The following ANK3 variants were observed in gnomAD, a reference collection of about 807,000 sequenced individuals.
ANK3 encodes the protein ankyrin 3.
In ANK3, 57 loss-of-function variants were observed where a neutral mutation model predicts 370.9. The observed-to-expected ratio is 0.15, with a 90% CI of 0.12 to 0.19. The LOEUF (loss-of-function observed/expected upper bound fraction) is 0.19, where lower values mean the gene tolerates loss of function less well. Among genes scored for constraint, ANK3 ranks in the 10% least tolerant of loss-of-function variants. ANK3 has a pLI of 1.00. For missense variants in ANK3, 4,439 were observed against 5,302.1 expected (o/e 0.84, Z 5.06); for synonymous variants, 1,929 against 1,946.3 (o/e 0.99, Z 0.23).
intron 1 of ANK3, among the ~76,000 whole-genome samples, chr10:60,346,311 G>T (rs1276308559): frequency 1.3e-5 from 2 of 148,342 alleles, no homozygotes; most frequent in Admixed American, 6.7e-5. Context: ...TAAAAAAAAA[G>T]AACAAACAAA....
chr10:60,684,066 A>G (rs1185288462), intron 1 of ANK3, among the ~76,000 whole-genome samples: 4 of 152,234 alleles, frequency 2.6e-5, no homozygotes, highest in Non-Finnish European at 5.9e-5. Context: ...AGAATTATAT[A>G]TCAAATGATT....
intron 2 of ANK3, among the ~76,000 whole-genome samples, chr10:60,402,019 G>A (rs760779252): frequency 2.0e-5 from 3 of 152,136 alleles, no homozygotes; most frequent in Non-Finnish European, 2.9e-5. Context: ...GTGACAGTTG[G>A]CAGACAGAAT....
At chr10:60,063,350 G>A in intron 39 of ANK3, 96 bp from the exon 40 acceptor site, 1 of 1,276,816 alleles carries the variant, frequency 7.8e-7, no homozygotes, top group Non-Finnish European at 1.1e-6. Flanking sequence ...CAGCCCTGCT[G>A]ACATTTTAGC....
At chr10:60,427,684 G>C (rs2063919688) in intron 2 of ANK3, among the ~76,000 whole-genome samples, 1 of 152,114 alleles carries the variant, frequency 6.6e-6, no homozygotes, top group Admixed American at 6.6e-5. Context: ...AAAAAAATTA[G>C]AGAAGGGCAT....
chr10:60,319,654 T>G (rs981508845), intron 1 of ANK3, among the ~76,000 whole-genome samples: 2 of 152,228 alleles, frequency 1.3e-5, no homozygotes. Flanking sequence ...ATGTTAGGGA[T>G]TCAAGGAATG....
intron 7 of ANK3, among the ~76,000 whole-genome samples, chr10:60,244,223 G>A (rs764434362): frequency 8.5e-5 from 13 of 152,110 alleles, no homozygotes; most frequent in Non-Finnish European, 1.3e-4. Context: ...TGATAAATGG[G>A]AAACTTTTCA....
At chr10:60,408,323 A>G (rs1483042343) in intron 2 of ANK3, among the ~76,000 whole-genome samples, 1 of 152,062 alleles carries the variant, frequency 6.6e-6, no homozygotes, top group East Asian at 1.9e-4. Context: ...GATCATGGGG[A>G]CAGAGTTCTC....
At chr10:60,402,308 A>G (rs558685446) in intron 2 of ANK3, among the ~76,000 whole-genome samples, 1 of 152,226 alleles carries the variant, frequency 6.6e-6, no homozygotes. Context: ...AAAATGCATA[A>G]GTATTAACGG....
At chr10:60,561,349 T>C (rs1261847917) in intron 2 of ANK3, among the ~76,000 whole-genome samples, 2 of 152,228 alleles carry the variant, frequency 1.3e-5, no homozygotes, top group African/African-American at 2.4e-5. Context: ...ATTTCCGTTT[T>C]ATTGAGTAGA....
At chr10:60,628,459 A>T (rs1457085514) in intron 1 of ANK3, among the ~76,000 whole-genome samples, 1 of 152,144 alleles carries the variant, frequency 6.6e-6, no homozygotes, top group Non-Finnish European at 1.5e-5. Flanking sequence ...TCCAGGAGCA[A>T]TTCATGTGTT....
At chr10:60,400,961 A>T (rs571930194) in intron 2 of ANK3, among the ~76,000 whole-genome samples, 14 of 152,304 alleles carry the variant, frequency 9.2e-5, no homozygotes, top group African/African-American at 3.1e-4. Flanking sequence ...CAACAAAAAA[A>T]TAAAAATAAT....
chr10:60,398,432 T>C (rs1314028443), intron 2 of ANK3, among the ~76,000 whole-genome samples: 1 of 152,154 alleles, frequency 6.6e-6, no homozygotes, highest in East Asian at 1.9e-4. Context: ...TATGTGTACA[T>C]ACATGTATAT....
chr10:60,142,508 T>G (rs1233222392), intron 23 of ANK3, among the ~76,000 whole-genome samples: 3 of 151,984 alleles, frequency 2.0e-5, no homozygotes, highest in Non-Finnish European at 4.4e-5. Context: ...ATAATAAATA[T>G]AAGTTATTTT....
intron 2 of ANK3, among the ~76,000 whole-genome samples, chr10:60,525,077 T>C (rs1165714589): frequency 6.6e-6 from 1 of 152,124 alleles, no homozygotes; most frequent in Non-Finnish European, 1.5e-5. Flanking sequence ...AATTTCTTTG[T>C]AGAAATTCCA....
intron 1 of ANK3, among the ~76,000 whole-genome samples, chr10:60,335,026 T>C (rs990833254): frequency 6.6e-6 from 1 of 152,160 alleles, no homozygotes; most frequent in Non-Finnish European, 1.5e-5. Flanking sequence ...AAGGAGACAC[T>C]TGACACTGGG....
At position 60,205,834 on chromosome 10, in the gene ANK3, T is replaced by C; in HGVS notation, c.1251A>G (p.Glu417=). 2 of 1,614,006 alleles carry C rather than the reference T, an allele frequency of 1.2e-6. No individual in the cohort carries two copies. Among genetic ancestry groups the C allele is most frequent in the Non-Finnish European group, 1.7e-6 (2 of 1,179,896 alleles). ...TGGATGCACCGTGTTTCAGAAGGAG[T>C]TCCATTACTTTAATTCGATTCTTCT... ...ACKKNRIKVM[E]LLLKHGASIQ... is the part of the protein sequence containing the mutation. Residue 417 remains glutamate, a synonymous_variant, in exon 11 of 44, where the codon GAA becomes GAG. Transcript: ENST00000280772.
At chr10:60,552,472 A>G (rs1162929964) in intron 2 of ANK3, among the ~76,000 whole-genome samples, 1 of 152,226 alleles carries the variant, frequency 6.6e-6, no homozygotes, top group Non-Finnish European at 1.5e-5. Flanking sequence ...GGATAATTAC[A>G]AAGTACAAGC....
At chr10:60,151,473 C>T (rs1449489293) in intron 23 of ANK3, among the ~76,000 whole-genome samples, 1 of 152,180 alleles carries the variant, frequency 6.6e-6, no homozygotes, top group African/African-American at 2.4e-5. Context: ...CCTTTCCTCT[C>T]TCTTGCTTCC....
At chr10:60,544,939 G>A (rs980384402) in intron 2 of ANK3, among the ~76,000 whole-genome samples, 8 of 49,288 alleles carry the variant, frequency 1.6e-4, no homozygotes, top group South Asian at 1.4e-3. Context: ...ATTTTAGGGC[G>A]TGGACAATAT....
Sources: allele counts gnomAD v4.1 joint callset (sites outside exome capture counted in the v4.1 genomes callset), GRCh38; gene constraint gnomAD v4.1.1; transcripts MANE v1.5; gene names NCBI Gene and HGNC (gene_info 2026-07-23, HGNC 2026-07-21).